The following LONRF1 variants were observed in gnomAD, a reference collection of about 807,000 sequenced individuals.
LONRF1 encodes the protein LON peptidase N-terminal domain and RING finger protein 1.
LONRF1 carries 37 observed loss-of-function variants against 85.8 expected under a neutral mutation model. The ratio of observed to expected loss-of-function variants is 0.43; its 90% confidence interval spans 0.33 to 0.57. LONRF1 has a LOEUF of 0.57. LONRF1 is among the 20% of genes least tolerant of loss of function. LONRF1 has a pLI of 0.04. For synonymous variants in LONRF1, 517 were observed against 390.1 expected (o/e 1.33, Z -3.83); for missense variants, 1,036 against 978.0 (o/e 1.06, Z -0.79).
rs938040990 is a variant in LONRF1, at chr8:12,741,083, C to T, written c.841-87G>A. The T allele has an allele frequency of 3.3e-5, 50 of 1,493,558 alleles. No individual in the cohort carries two copies. In the South Asian group the frequency reaches 5.3e-4, roughly 16 times the overall value. The allele number at this position is 1,493,558 out of a possible 1,614,324, so 92.5% of individuals were successfully genotyped here. Reference sequence around the variant, plus strand: ...TCAAGTAAAGAAAAACAATAGTCTGCTCAGCAGTGCCGATTCTGGGCCGGG... The same window carrying T: ...TCAAGTAAAGAAAAACAATAGTCTGTTCAGCAGTGCCGATTCTGGGCCGGG... On this transcript the variant is annotated intron_variant, in intron 2 of 11. Transcript: ENST00000398246.
chr8:12,737,856 G>A (rs535424744), intron 4 of LONRF1, 139 bp downstream of exon 4: 3 of 787,098 alleles, frequency 3.8e-6, no homozygotes, highest in East Asian at 6.2e-5. Context: ...TAAAGGCTAT[G>A]GAAAAAATTC....
chr8:12,726,123 T>C (rs1001758412), intron 10 of LONRF1: 5 of 366,862 alleles, frequency 1.4e-5, no homozygotes, highest in Admixed American at 4.0e-5. Context: ...CAGTGCAATA[T>C]TGCAGAACCC....
chr8:12,742,662 T>C (rs778294209), intron 2 of LONRF1, among the ~76,000 whole-genome samples: 5 of 152,198 alleles, frequency 3.3e-5, no homozygotes, highest in Non-Finnish European at 7.3e-5. Flanking sequence ...CATGAATTGT[T>C]TGTTCCTTAT....
Position 12,722,277 on chromosome 8 carries a change from G to T in LONRF1, c.*819C>A, listed in dbSNP as rs1805919723. 2 of 152,528 alleles carry T rather than the reference G, an allele frequency of 1.3e-5. No individual in the cohort carries two copies. Among genetic ancestry groups the T allele is most frequent in the African/African-American group, 2.4e-5 (1 of 41,412 alleles). The allele number at this position is 152,528 out of a possible 1,614,324, so 9.4% of individuals were successfully genotyped here. ...AATTACACAAATGGGCAGTTAATGT[G>T]AAAAGCCCCCTAAAATGTACAAACT... On this transcript the variant is annotated 3_prime_UTR_variant, in exon 12 of 12. Coordinates refer to ENST00000398246, the MANE Select transcript of LONRF1 (RefSeq NM_152271.5).
At chr8:12,731,651 A>G in intron 8 of LONRF1, 85 bp downstream of exon 8, 1 of 1,166,170 alleles carries the variant, frequency 8.6e-7, no homozygotes, top group Non-Finnish European at 1.2e-6. Flanking sequence ...GAGATGAACT[A>G]AAGACAGGAT....
Position 12,729,291 on chromosome 8 carries a change from T to G in LONRF1, c.1730A>C (p.Tyr577Ser). The change falls in exon 9 of 12, where the codon TAC becomes TCC. Residue 577 changes from tyrosine (Y) to serine (S), a missense_variant. Coordinates refer to ENST00000398246, the MANE Select transcript of LONRF1 (RefSeq NM_152271.5). ...NVPIFVCTMAYPTVPCPLHVF... is the reference protein window; with the variant it reads ...NVPIFVCTMASPTVPCPLHVF... ...ATGGAGAGGGCAAGGCACAGTGGGG[T>G]AGGCCATAGTGCAAACAAATATTGG... 6.2e-7 allele frequency: 1 copy of G among 1,613,918 alleles called. No homozygotes were observed. The highest frequency in any genetic ancestry group is 8.5e-7 in the Non-Finnish European group (1 of 1,179,874).
intron 1 of LONRF1, among the ~76,000 whole-genome samples, chr8:12,743,577 A>C (rs2117309618): frequency 6.6e-6 from 1 of 152,188 alleles, no homozygotes; most frequent in South Asian, 2.1e-4. Context: ...CTTTTTTTTT[A>C]ACAAAGGGTA....
At chr8:12,742,083 T>C (rs1563150609) in intron 2 of LONRF1, among the ~76,000 whole-genome samples, 1 of 152,230 alleles carries the variant, frequency 6.6e-6, no homozygotes, top group Non-Finnish European at 1.5e-5. Flanking sequence ...AAAACCTTTC[T>C]GATTACATCA....
intron 2 of LONRF1, among the ~76,000 whole-genome samples, chr8:12,741,977 T>G (rs186956918): frequency 6.6e-6 from 1 of 152,194 alleles, no homozygotes; most frequent in Non-Finnish European, 1.5e-5. Flanking sequence ...CTTATGTGAT[T>G]AGAATGAAAC....
intron 7 of LONRF1, among the ~76,000 whole-genome samples, chr8:12,733,026 G>A (rs755037438): frequency 6.6e-5 from 10 of 152,226 alleles, no homozygotes; most frequent in South Asian, 2.1e-4. Context: ...AGCATGAATC[G>A]CGGCTTGTTA....
rs568993941 is a variant in LONRF1, at chr8:12,737,944, C to T, written c.1113+51G>A. The stretch of plus-strand genomic sequence containing the variant: ...AACTAGGAAAGTGAAGCTCTTAACT[C>T]GTAAAGAAATGGATACGCTAAACTC... On this transcript the variant is annotated intron_variant, in intron 4 of 11. Coordinates refer to ENST00000398246, the MANE Select transcript of LONRF1 (RefSeq NM_152271.5). 54 of 1,541,800 alleles carry T rather than the reference C, an allele frequency of 3.5e-5. No individual in the cohort carries two copies. In the South Asian group the frequency reaches 5.8e-4, roughly 16 times the overall value.
rs1196702541 is a variant in LONRF1, at chr8:12,755,160, G to A, written c.261C>T (p.Gly87=). 6 of 1,418,172 alleles carry A rather than the reference G, an allele frequency of 4.2e-6. No individual in the cohort carries two copies. The highest frequency in any genetic ancestry group is 2.7e-5 in the Admixed American group (1 of 36,726). 87.8% of individuals were successfully genotyped at this position (1,418,172 alleles called of 1,614,324 possible). A position where few individuals can be genotyped will look rare whatever the true frequency, so the allele number is the denominator to read the frequency against. Residue 87 remains glycine (G), a synonymous_variant, in exon 1 of 12, where the codon GGC becomes GGT. Transcript: ENST00000398246. ...RGAPARPECL[G]ALVDCLVFNY... ...TGAACACCAGGCAGTCCACCAGGGC[G>A]CCCAGGCACTCGGGCCTGGCCGGGG...
intron 9 of LONRF1, 41 bp from the exon 10 acceptor site, chr8:12,729,104 A>G: frequency 6.2e-7 from 1 of 1,612,254 alleles, no homozygotes; most frequent in Non-Finnish European, 8.5e-7. Context: ...TGAAACATAA[A>G]CATGCAAGTT....
intron 7 of LONRF1, among the ~76,000 whole-genome samples, chr8:12,734,540 C>G (rs1327160297): frequency 2.6e-5 from 4 of 152,170 alleles, no homozygotes; most frequent in African/African-American, 9.7e-5. Context: ...GTCACTCAAG[C>G]ATGATTAAGA....
At chr8:12,742,683 A>G (rs899859986) in intron 2 of LONRF1, among the ~76,000 whole-genome samples, 1 of 152,190 alleles carries the variant, frequency 6.6e-6, no homozygotes, top group Non-Finnish European at 1.5e-5. Context: ...TTATGAAAGA[A>G]AAGTCTCTTA....
At chr8:12,736,587 A>G in intron 6 of LONRF1, 114 bp downstream of exon 6, 8 of 726,000 alleles carry the variant, frequency 1.1e-5, no homozygotes, top group Admixed American at 3.3e-5. Context: ...ATGTCTTTTG[A>G]TTTTTATTCC....
intron 8 of LONRF1, among the ~76,000 whole-genome samples, chr8:12,730,987 A>G (rs550451378): frequency 3.9e-5 from 6 of 152,354 alleles, no homozygotes; most frequent in Non-Finnish European, 8.8e-5. Flanking sequence ...AAAGAGAGTA[A>G]AAGAAATAAA....
In LONRF1 at chr8:12,750,594, T is replaced by C. The variant is rs536629561; in HGVS notation, c.721+4106A>G. 1.8e-4 allele frequency among the ~76,000 whole-genome samples: 28 copies of C among 152,366 alleles called. No homozygotes were observed. The Middle Eastern group carries it at 0.014, about 74-fold the overall frequency. On this transcript the variant is annotated intron_variant, in intron 1 of 11. Transcript: ENST00000398246. ...CAAATAAGGGGAAACTACTGTATTG[T>C]TTAAATTCAAATTTCTTCATTTTAA...
Position 12,722,789 on chromosome 8 carries a change from C to A in LONRF1, c.*307G>T, listed in dbSNP as rs1176808913. ...CCCCACAAGCACACACGCACGCACA[C>A]ACACACACACACTCTCTCACAGACA... On this transcript the variant is annotated 3_prime_UTR_variant, in exon 12 of 12. Transcript: ENST00000398246. The A allele has an allele frequency of 2.9e-5, 6 of 206,210 alleles. No individual in the cohort carries two copies. The highest frequency in any genetic ancestry group is 4.9e-5 in the Non-Finnish European group (5 of 101,826). The allele number at this position is 206,210 out of a possible 1,614,324, so 12.8% of individuals were successfully genotyped here. A position where few individuals can be genotyped will look rare whatever the true frequency, so the allele number is the denominator to read the frequency against.
Sources: gnomAD v4.1 joint callset for allele counts (sites outside exome capture counted in the v4.1 genomes callset) on GRCh38, gnomAD v4.1.1 for gene constraint, MANE v1.5 for transcripts, NCBI Gene and HGNC (gene_info 2026-07-23, HGNC 2026-07-21) for gene names.